Variants in LRFN5 observed in about 807,000 individuals in gnomAD.
LRFN5 encodes the protein leucine rich repeat and fibronectin type III domain containing 5, also known as leucine-rich repeat and fibronectin type-III domain-containing protein 5.
LRFN5 carries 24 observed loss-of-function variants against 45.6 expected under a neutral mutation model. The ratio of observed to expected loss-of-function variants is 0.53; its 90% CI spans 0.38 to 0.74. The LOEUF (loss-of-function observed/expected upper bound fraction) is 0.74, where lower values mean the gene tolerates loss of function less well. LRFN5 is among the 30% of genes least tolerant of loss of function. LRFN5 has a pLI of 0.00. For missense variants in LRFN5, 776 were observed against 861.5 expected (o/e 0.90, Z 1.24); for synonymous variants, 340 against 313.8 (o/e 1.08, Z -0.88).
At chr14:41,712,319 T>A (rs1883318932) in intron 1 of LRFN5, among the ~76,000 whole-genome samples, 1 of 152,140 alleles carries the variant, frequency 6.6e-6, no homozygotes, top group African/African-American at 2.4e-5. Context: ...CCCAGCACTT[T>A]GGGAGGCTAA....
intron 2 of LRFN5, among the ~76,000 whole-genome samples, chr14:41,872,873 G>A (rs756124094): frequency 1.3e-5 from 2 of 152,064 alleles, no homozygotes; most frequent in Non-Finnish European, 2.9e-5. Context: ...ACATAACATG[G>A]GCACATATGT....
At chr14:41,702,412 C>G (rs571775005) in intron 1 of LRFN5, among the ~76,000 whole-genome samples, 1 of 152,262 alleles carries the variant, frequency 6.6e-6, no homozygotes, top group South Asian at 2.1e-4. Context: ...ATAATTAAAG[C>G]AGCTTCTATT....
At chr14:41,870,132 A>C (rs1222788695) in intron 2 of LRFN5, among the ~76,000 whole-genome samples, 2 of 152,006 alleles carry the variant, frequency 1.3e-5, no homozygotes, top group Non-Finnish European at 2.9e-5. Flanking sequence ...TTGAGTTTTC[A>C]TTTGGAGGCT....
chr14:41,821,866 A>C (rs190209883), intron 2 of LRFN5, among the ~76,000 whole-genome samples: 1 of 150,578 alleles, frequency 6.6e-6, no homozygotes, highest in Middle Eastern at 3.2e-3. Flanking sequence ...CAAGTTTTCT[A>C]TTTCTTTCTG....
chr14:41,862,282 G>A (rs1366616781), intron 2 of LRFN5, among the ~76,000 whole-genome samples: 1 of 152,042 alleles, frequency 6.6e-6, no homozygotes, highest in Non-Finnish European at 1.5e-5. Flanking sequence ...ACTATCTTGA[G>A]TTCTACATTA....
At chr14:41,724,811 T>A (rs1883862856) in intron 1 of LRFN5, among the ~76,000 whole-genome samples, 1 of 152,214 alleles carries the variant, frequency 6.6e-6, no homozygotes, top group African/African-American at 2.4e-5. Flanking sequence ...AGTTCTTCAT[T>A]CATCTTTGTC....
chr14:41,891,700 A>G lies in LRFN5; in HGVS notation c.1836A>G (p.Gln612=), dbSNP rs755756590. ...CCKATSDNVI[Q]SSETCSSQDS... Reference sequence around the variant, plus strand: ...AAGCTACCAGTGACAATGTGATTCAATCTTCAGAAACTTGTTCGAGTCAGG... The same window carrying G: ...AAGCTACCAGTGACAATGTGATTCAGTCTTCAGAAACTTGTTCGAGTCAGG... Residue 612 remains glutamine (Q), a synonymous_variant, in exon 4 of 6, where the codon CAA becomes CAG. Coordinates refer to ENST00000298119, the MANE Select transcript of LRFN5 (RefSeq NM_152447.5). The G allele has an allele frequency of 6.2e-6, 10 of 1,614,080 alleles. No individual in the cohort carries two copies. The highest frequency in any genetic ancestry group is 1.6e-4 in the Middle Eastern group (1 of 6,084).
At chr14:41,839,497 C>T (rs1339104151) in intron 2 of LRFN5, among the ~76,000 whole-genome samples, 2 of 152,078 alleles carry the variant, frequency 1.3e-5, no homozygotes, top group Non-Finnish European at 2.9e-5. Context: ...CCTAATTATA[C>T]TTATTGCCAG....
intron 1 of LRFN5, among the ~76,000 whole-genome samples, chr14:41,745,826 C>A (rs57676929): frequency 0.17 from 25,209 of 151,748 alleles, 2,195 homozygotes; most frequent in Admixed American, 0.2. Flanking sequence ...CAGAAGAAAT[C>A]GAATATCTGA....
intron 2 of LRFN5, among the ~76,000 whole-genome samples, chr14:41,773,077 T>C (rs1298108300): frequency 2.0e-5 from 3 of 152,196 alleles, no homozygotes; most frequent in Admixed American, 2.0e-4. Context: ...AAGACCATTA[T>C]TCTTAGACTG....
chr14:41,739,322 G>A (rs537306143), intron 1 of LRFN5, among the ~76,000 whole-genome samples: 1 of 151,990 alleles, frequency 6.6e-6, no homozygotes, highest in Non-Finnish European at 1.5e-5. Flanking sequence ...CTCATCAATG[G>A]TTCAGTGAGC....
intron 2 of LRFN5, among the ~76,000 whole-genome samples, chr14:41,774,789 A>G (rs1886217414): frequency 6.6e-6 from 1 of 152,194 alleles, no homozygotes; most frequent in Non-Finnish European, 1.5e-5. Context: ...AGATCATGAC[A>G]GAGAGGATAC....
At chr14:41,885,791 C>T (rs533347772) in intron 2 of LRFN5, among the ~76,000 whole-genome samples, 2 of 151,802 alleles carry the variant, frequency 1.3e-5, no homozygotes, top group Non-Finnish European at 2.9e-5. Context: ...CTGAAGCGGG[C>T]GGATCACCTG....
At chr14:41,792,188 G>C (rs1429328310) in intron 2 of LRFN5, among the ~76,000 whole-genome samples, 4 of 152,000 alleles carry the variant, frequency 2.6e-5, no homozygotes, top group Non-Finnish European at 4.4e-5. Context: ...AAAGGGGATG[G>C]GGTGTAAAGC....
intron 1 of LRFN5, among the ~76,000 whole-genome samples, chr14:41,616,836 A>G (rs1887942794): frequency 6.6e-6 from 1 of 152,120 alleles, no homozygotes; most frequent in Admixed American, 6.6e-5. Context: ...CCTTCAATAT[A>G]TATGTTAGTG....
chr14:41,880,144 G>T (rs1047653665), intron 2 of LRFN5, among the ~76,000 whole-genome samples: 9 of 151,542 alleles, frequency 5.9e-5, no homozygotes, highest in African/African-American at 1.9e-4. Flanking sequence ...AGCCAGGATG[G>T]TCTCGATCTC....
At chr14:41,705,110 A>AAAAAAT (rs1468374566) in intron 1 of LRFN5, among the ~76,000 whole-genome samples, 1 of 152,136 alleles carries the variant, frequency 6.6e-6, no homozygotes, top group Non-Finnish European at 1.5e-5. Context: ...AAAAGGAGAG[A>AAAAAAT]GTAACAATTT....
intron 1 of LRFN5, among the ~76,000 whole-genome samples, chr14:41,689,397 G>GAA (rs1360042789): frequency 6.6e-6 from 1 of 151,866 alleles, no homozygotes; most frequent in Non-Finnish European, 1.5e-5. Flanking sequence ...TTTGATTACA[G>GAA]AAAAACAGAA....
rs969334890 is a variant in LRFN5 at position 41,904,353 on chromosome 14, A to G, written c.*178A>G. The G allele has an allele frequency of 1.2e-5, 8 of 665,222 alleles. No homozygotes were observed. The Admixed American group carries it at 1.5e-4, about 13-fold the overall frequency. 41.2% of individuals were successfully genotyped at this position (665,222 alleles called of 1,614,324 possible). ...ACGGCGGAACTGGCTCCATTAGACC[A>G]TGGTTCATCCTCTTTTAAAACCAAA... On this transcript the variant is annotated 3_prime_UTR_variant, in exon 6 of 6. Transcript: ENST00000298119.
Sources: gnomAD v4.1 joint callset for allele counts (sites outside exome capture counted in the v4.1 genomes callset) on GRCh38, gnomAD v4.1.1 for gene constraint, MANE v1.5 for transcripts, NCBI Gene and HGNC (gene_info 2026-07-23, HGNC 2026-07-21) for gene names.